Variants in KIF26B observed in about 807,000 individuals in gnomAD.
The protein encoded by KIF26B is kinesin family member 26B.
Under a neutral mutation model 151.2 loss-of-function variants are expected in KIF26B, and 63 were observed. That is an observed-to-expected ratio of 0.42 (90% confidence interval 0.34 to 0.51). The LOEUF is 0.51. KIF26B is among the 20% of genes least tolerant of loss of function. The pLI, the probability that KIF26B is intolerant of heterozygous loss-of-function variation, is 0.07. For missense variants in KIF26B, 2,813 were observed against 2,913.6 expected (o/e 0.97, Z 0.79); for synonymous variants, 1,357 against 1,262.1 (o/e 1.08, Z -1.59).
intron 2 of KIF26B, among the ~76,000 whole-genome samples, chr1:245,199,156 T>C (rs1461005076): frequency 6.6e-6 from 1 of 152,104 alleles, no homozygotes; most frequent in African/African-American, 2.4e-5. Context: ...TTACTCCTGG[T>C]GCACTGGTGA....
intron 2 of KIF26B, among the ~76,000 whole-genome samples, chr1:245,264,835 G>A: frequency 6.6e-6 from 1 of 151,736 alleles, no homozygotes; most frequent in East Asian, 1.9e-4. Flanking sequence ...AGAGTTTGCA[G>A]AGAGCCGAGA....
intron 12 of KIF26B, among the ~76,000 whole-genome samples, chr1:245,689,402 C>T (rs1213077182): frequency 6.6e-6 from 1 of 152,178 alleles, no homozygotes; most frequent in Non-Finnish European, 1.5e-5. Flanking sequence ...CACAGATTGT[C>T]CCATTGAAAG....
intron 3 of KIF26B, among the ~76,000 whole-genome samples, chr1:245,373,731 C>G (rs1423443231): frequency 1.3e-5 from 2 of 152,010 alleles, no homozygotes; most frequent in Admixed American, 1.3e-4. Context: ...ATGATTGCGC[C>G]TATGAAGCAC....
chr1:245,231,981 G>A (rs1404174563), intron 2 of KIF26B, among the ~76,000 whole-genome samples: 3 of 152,182 alleles, frequency 2.0e-5, no homozygotes, highest in Admixed American at 2.0e-4. Flanking sequence ...ATATGCCAGA[G>A]GGTTGTTACC....
At chr1:245,190,663 T>TA (rs1669089830) in intron 2 of KIF26B, among the ~76,000 whole-genome samples, 1 of 150,200 alleles carries the variant, frequency 6.7e-6, no homozygotes, top group African/African-American at 2.5e-5. Context: ...TTACATTTCT[T>TA]ACAGATGTCT....
At chr1:245,236,574 A>C (rs962677373) in intron 2 of KIF26B, among the ~76,000 whole-genome samples, 3 of 152,216 alleles carry the variant, frequency 2.0e-5, no homozygotes, top group Non-Finnish European at 4.4e-5. Context: ...CAATGCTATG[A>C]ATAAAATTTG....
intron 2 of KIF26B, among the ~76,000 whole-genome samples, chr1:245,198,449 C>T (rs576663104): frequency 2.3e-4 from 29 of 126,192 alleles, no homozygotes; most frequent in Middle Eastern, 4.2e-3. Flanking sequence ...TGGCTGGGTG[C>T]GGTGGCTCAC....
intron 2 of KIF26B, among the ~76,000 whole-genome samples, chr1:245,214,891 C>T (rs1007564469): frequency 2.6e-5 from 4 of 151,930 alleles, no homozygotes; most frequent in East Asian, 1.9e-4. Flanking sequence ...ATATGGTAGG[C>T]GGTAAAAGGG....
At chr1:245,261,435 C>T (rs545152831) in intron 2 of KIF26B, among the ~76,000 whole-genome samples, 30 of 151,238 alleles carry the variant, frequency 2.0e-4, no homozygotes, top group Admixed American at 7.9e-4. Flanking sequence ...CCAGCTTGTT[C>T]GCGCTCGCTT....
At chr1:245,292,235 G>T (rs1031214332) in intron 2 of KIF26B, among the ~76,000 whole-genome samples, 4 of 152,194 alleles carry the variant, frequency 2.6e-5, no homozygotes, top group African/African-American at 9.7e-5. Context: ...TCTTGAGTGT[G>T]CAGTCTTCGA....
At chr1:245,552,131 G>A (rs942541745) in intron 5 of KIF26B, among the ~76,000 whole-genome samples, 1,656 of 118,410 alleles carry the variant, frequency 0.014, 22 homozygotes, top group African/African-American at 0.049. Flanking sequence ...GGGTGTGTGT[G>A]TGTGTGTGTG....
intron 10 of KIF26B, among the ~76,000 whole-genome samples, chr1:245,668,036 C>T (rs1218729714): frequency 6.6e-6 from 1 of 152,182 alleles, no homozygotes; most frequent in African/African-American, 2.4e-5. Flanking sequence ...ACTGGGATTA[C>T]AGGCACACGC....
At position 245,166,937 on chromosome 1, in the gene KIF26B, C is replaced by A. The variant is rs796748081; in HGVS notation, c.465+10254C>A. 4.6e-5 allele frequency among the ~76,000 whole-genome samples: 7 copies of A among 152,248 alleles called. No homozygotes were observed. Among genetic ancestry groups the A allele is most frequent in the African/African-American group, 1.7e-4 (7 of 41,546 alleles). ...AACGTTGCTATAGAGGTTAGCAAAG[C>A]AGAAGGCTCTGAGGGTAGAGTAAGT... On this transcript the variant is annotated intron_variant, in intron 2 of 14. Transcript: ENST00000407071. The surrounding 1 kb of genome is among the most constrained non-coding windows in gnomAD (Gnocchi z 4.5).
intron 2 of KIF26B, among the ~76,000 whole-genome samples, chr1:245,220,210 C>T (rs1023890133): frequency 6.6e-6 from 1 of 152,164 alleles, no homozygotes; most frequent in Admixed American, 6.5e-5. Flanking sequence ...AGACTTGTTT[C>T]CCCTTTGACA....
At chr1:245,444,171 C>T (rs1483784730) in intron 4 of KIF26B, among the ~76,000 whole-genome samples, 1 of 148,918 alleles carries the variant, frequency 6.7e-6, no homozygotes, top group African/African-American at 2.5e-5. Context: ...TCACTGTTCA[C>T]CTAGAGTGGT....
chr1:245,535,043 A>G (rs1026675315), intron 4 of KIF26B, among the ~76,000 whole-genome samples: 6 of 152,202 alleles, frequency 3.9e-5, no homozygotes, highest in Non-Finnish European at 8.8e-5. Flanking sequence ...TCGGCCTCCC[A>G]AAGTGCTGGG....
intron 3 of KIF26B, among the ~76,000 whole-genome samples, chr1:245,369,926 A>C (rs1246359704): frequency 6.6e-6 from 1 of 152,232 alleles, no homozygotes; most frequent in African/African-American, 2.4e-5. Flanking sequence ...TTCACATTCT[A>C]ACCTTGGAAG....
chr1:245,207,460 T>C (rs1488773657), intron 2 of KIF26B, among the ~76,000 whole-genome samples: 1 of 152,102 alleles, frequency 6.6e-6, no homozygotes, highest in Non-Finnish European at 1.5e-5. Flanking sequence ...AGGGGTAAAT[T>C]ACAGAGTGAG....
intron 2 of KIF26B, among the ~76,000 whole-genome samples, chr1:245,362,705 C>T (rs1282804583): frequency 6.6e-6 from 1 of 152,098 alleles, no homozygotes; most frequent in Non-Finnish European, 1.5e-5. Flanking sequence ...GGGACCTGAC[C>T]TTGGGTGATC....
Sources: gnomAD v4.1 joint callset for allele counts (sites outside exome capture counted in the v4.1 genomes callset) on GRCh38, gnomAD v4.1.1 for gene constraint, Gnocchi (gnomAD v3.1) non-coding constraint, MANE v1.5 for transcripts, NCBI Gene and HGNC (gene_info 2026-07-23, HGNC 2026-07-21) for gene names.